The following ADCY2 variants were observed in gnomAD, a reference collection of about 807,000 sequenced individuals.
ADCY2 encodes adenylate cyclase 2.
A neutral mutation model predicts 125.2 loss-of-function variants in ADCY2; 31 were observed. The ratio of observed to expected loss-of-function variants is 0.25; its 90% CI spans 0.19 to 0.33. ADCY2 has a LOEUF of 0.33. ADCY2 is among the 10% of genes least tolerant of loss of function. ADCY2 has a pLI of 1.00. For missense variants in ADCY2, 904 were observed against 1,418.2 expected, an observed-to-expected ratio of 0.64 and a Z score of 5.82; for synonymous variants, 512 against 548.4, an observed-to-expected ratio of 0.93 and a Z score of 0.93.
chr5:7,567,923 C>T (rs1045929378), intron 3 of ADCY2, among the ~76,000 whole-genome samples: 2 of 71,190 alleles, frequency 2.8e-5, no homozygotes, highest in African/African-American at 8.7e-5. Context: ...CTCTGTCGTC[C>T]TCTCTTTCTC....
intron 10 of ADCY2, among the ~76,000 whole-genome samples, chr5:7,711,992 A>T (rs1741455483): frequency 6.6e-6 from 1 of 152,148 alleles, no homozygotes; most frequent in Non-Finnish European, 1.5e-5. Context: ...TGATTCCTTT[A>T]TCTAATCCCC....
At chr5:7,559,084 A>G (rs922774981) in intron 3 of ADCY2, among the ~76,000 whole-genome samples, 3 of 152,260 alleles carry the variant, frequency 2.0e-5, no homozygotes, top group Admixed American at 1.3e-4. Context: ...GTAGCCCTGT[A>G]GTATAGCTTG....
chr5:7,585,531 G>A (rs974020725), intron 3 of ADCY2, among the ~76,000 whole-genome samples: 5 of 152,154 alleles, frequency 3.3e-5, no homozygotes, highest in Non-Finnish European at 7.4e-5. Flanking sequence ...GCTAATGCAG[G>A]CAAATGACAC....
chr5:7,805,319 T>C (rs777642372), intron 22 of ADCY2, among the ~76,000 whole-genome samples: 2 of 152,152 alleles, frequency 1.3e-5, no homozygotes, highest in Non-Finnish European at 1.5e-5. Flanking sequence ...ACACCGCATC[T>C]AAAAAATGAA....
chr5:7,709,391 T>C lies in ADCY2; in HGVS notation c.1578+4T>C. On this transcript the variant is annotated splice_donor_region_variant and intron_variant, in intron 10 of 24. Coordinates refer to ENST00000338316, the MANE Select transcript of ADCY2 (RefSeq NM_020546.3). The surrounding 1 kb of genome is among the most constrained non-coding windows in gnomAD (Gnocchi z 4.4). The stretch of plus-strand genomic sequence containing the variant: ...GAACGGCAAGATCAGCACCACGGTA[T>C]GCCCTCCCCTGCCTCCAATGCCTGA... 6.4e-7 allele frequency: 1 copy of C among 1,565,432 alleles called. No individual in the cohort carries two copies. The highest frequency in any genetic ancestry group is 8.7e-7 in the Non-Finnish European group (1 of 1,155,134).
chr5:7,592,655 C>T (rs1181692971), intron 3 of ADCY2, among the ~76,000 whole-genome samples: 1 of 152,142 alleles, frequency 6.6e-6, no homozygotes, highest in Non-Finnish European at 1.5e-5. Context: ...TGATAACATA[C>T]TGTGAAATCA....
intron 2 of ADCY2, among the ~76,000 whole-genome samples, chr5:7,491,686 T>C (rs1266112597): frequency 6.6e-6 from 1 of 152,166 alleles, no homozygotes; most frequent in African/African-American, 2.4e-5. Context: ...AAATCACTAC[T>C]TTATGTAACA....
chr5:7,715,232 T>C (rs576522138), intron 11 of ADCY2, among the ~76,000 whole-genome samples: 2 of 152,382 alleles, frequency 1.3e-5, no homozygotes, highest in African/African-American at 4.8e-5. Flanking sequence ...CATGCATTTA[T>C]TGGCTACTTT....
intron 3 of ADCY2, among the ~76,000 whole-genome samples, chr5:7,609,587 C>T (rs1057036210): frequency 2.0e-5 from 3 of 152,088 alleles, no homozygotes; most frequent in Non-Finnish European, 4.4e-5. Flanking sequence ...ATGGATTACC[C>T]AATCTATATA....
In ADCY2 at chr5:7,396,809, A is replaced by G. The variant is rs932838025; in HGVS notation, c.210+303A>G. Reference sequence around the variant, plus strand: ...TTTGCATCTTTGCGCACCCGCTGGCAAACTCTGCGCTTTCCGCCGGGCACC... The same window carrying G: ...TTTGCATCTTTGCGCACCCGCTGGCGAACTCTGCGCTTTCCGCCGGGCACC... On this transcript the variant is annotated intron_variant, in intron 1 of 24. Transcript: ENST00000338316. The surrounding 1 kb of genome is among the most constrained non-coding windows in gnomAD (Gnocchi z 5.7). 1.3e-5 allele frequency among the ~76,000 whole-genome samples: 2 copies of G among 152,154 alleles called. No individual in the cohort carries two copies. Among genetic ancestry groups the G allele is most frequent in the Non-Finnish European group, 2.9e-5 (2 of 68,020 alleles).
In ADCY2 at chr5:7,695,877, A is replaced by G; in HGVS notation, c.981+14A>G. 6.4e-7 allele frequency: 1 copy of G among 1,554,302 alleles called. No homozygotes were observed. Among genetic ancestry groups the G allele is most frequent in the Non-Finnish European group, 8.8e-7 (1 of 1,132,630 alleles). The stretch of plus-strand genomic sequence containing the variant: ...CAAATTGCAAAGGTGAGTATTATGG[A>G]TTCTTTTCTTCTCTGAAGATTTCTA... On this transcript the variant is annotated intron_variant, in intron 6 of 24. Transcript: ENST00000338316.
intron 2 of ADCY2, among the ~76,000 whole-genome samples, chr5:7,502,927 T>G (rs896961212): frequency 6.6e-6 from 1 of 152,188 alleles, no homozygotes; most frequent in African/African-American, 2.4e-5. Flanking sequence ...TGTATTGATA[T>G]GGTATTGATA....
intron 17 of ADCY2, among the ~76,000 whole-genome samples, chr5:7,771,970 T>C (rs567458110): frequency 6.6e-6 from 1 of 152,322 alleles, no homozygotes; most frequent in African/African-American, 2.4e-5. Context: ...CCCCGTAATG[T>C]AGCAAATAAA....
At chr5:7,543,925 A>G (rs34476536) in intron 3 of ADCY2, among the ~76,000 whole-genome samples, 26,326 of 150,006 alleles carry the variant, frequency 0.18, 2,890 homozygotes, top group Non-Finnish European at 0.25. Context: ...GAGGCAGGAG[A>G]ATGGCATGAA....
intron 18 of ADCY2, among the ~76,000 whole-genome samples, chr5:7,782,014 T>C (rs1423508763): frequency 6.6e-6 from 1 of 152,186 alleles, no homozygotes; most frequent in Admixed American, 6.5e-5. Context: ...GAAATCCAAG[T>C]GAAATCCAGA....
chr5:7,505,989 C>CT (rs969821415), intron 2 of ADCY2, among the ~76,000 whole-genome samples: 17 of 148,066 alleles, frequency 1.1e-4, no homozygotes, highest in South Asian at 4.3e-4. Context: ...AAGACCTTAC[C>CT]TTTTTTTTTT....
chr5:7,579,477 A>G (rs1052374087), intron 3 of ADCY2, among the ~76,000 whole-genome samples: 10 of 152,164 alleles, frequency 6.6e-5, no homozygotes, highest in African/African-American at 2.4e-4. Context: ...TATAAACTCT[A>G]CACCTGAGAC....
intron 22 of ADCY2, among the ~76,000 whole-genome samples, chr5:7,806,525 A>T (rs1744766283): frequency 6.6e-6 from 1 of 152,152 alleles, no homozygotes; most frequent in Non-Finnish European, 1.5e-5. Context: ...GTGCTGGCTG[A>T]TTAGGTGTCT....
At chr5:7,584,883 A>G (rs375752944) in intron 3 of ADCY2, among the ~76,000 whole-genome samples, 6 of 152,204 alleles carry the variant, frequency 3.9e-5, no homozygotes, top group East Asian at 3.8e-4. Flanking sequence ...AAAAGTCTCT[A>G]CACAATTTAT....
Sources: allele counts gnomAD v4.1 joint callset (sites outside exome capture counted in the v4.1 genomes callset), GRCh38; gene constraint gnomAD v4.1.1; non-coding constraint Gnocchi (gnomAD v3.1); transcripts MANE v1.5; gene names NCBI Gene and HGNC (gene_info 2026-07-23, HGNC 2026-07-21).